Variants in SDC2 observed in about 807,000 individuals in gnomAD.
The protein encoded by SDC2 is syndecan-2.
Under a neutral mutation model 22.2 loss-of-function variants are expected in SDC2, and 13 were observed. The observed-to-expected ratio is 0.59, with a 90% confidence interval of 0.38 to 0.93. The LOEUF is 0.93. Ranked by LOEUF, SDC2 falls within the 40% of genes least tolerant of loss-of-function variation. The pLI is 0.00. For synonymous variants in SDC2, 94 were observed against 92.8 expected, an observed-to-expected ratio of 1.01 and a Z score of -0.07; for missense variants, 235 against 246.8, an observed-to-expected ratio of 0.95 and a Z score of 0.32.
chr8:96,550,168 T>C (rs1000009555), intron 1 of SDC2, among the ~76,000 whole-genome samples: 1 of 152,032 alleles, frequency 6.6e-6, no homozygotes, highest in Non-Finnish European at 1.5e-5. Context: ...AACAGGGTGG[T>C]TTTCCTAGCC....
At chr8:96,574,790 T>C (rs1228543029) in intron 1 of SDC2, among the ~76,000 whole-genome samples, 1 of 152,248 alleles carries the variant, frequency 6.6e-6, no homozygotes, top group African/African-American at 2.4e-5. Context: ...GGAAGAACTA[T>C]GGAAAATGTA....
chr8:96,608,812 T>C (rs1015962410), intron 4 of SDC2, among the ~76,000 whole-genome samples: 6 of 152,126 alleles, frequency 3.9e-5, no homozygotes, highest in African/African-American at 1.2e-4. Context: ...CATTTCAAAA[T>C]AAAGAGAACG....
At chr8:96,551,226 C>T (rs1814019933) in intron 1 of SDC2, among the ~76,000 whole-genome samples, 1 of 152,160 alleles carries the variant, frequency 6.6e-6, no homozygotes, top group South Asian at 2.1e-4. Context: ...GCATCACATT[C>T]CTCCTAAAAG....
At chr8:96,508,079 G>A (rs1265712552) in intron 1 of SDC2, among the ~76,000 whole-genome samples, 2 of 152,108 alleles carry the variant, frequency 1.3e-5, no homozygotes, top group South Asian at 2.1e-4. Flanking sequence ...GGTGGATCAC[G>A]AGGCCAGGAG....
chr8:96,609,069 T>TTAGAATATGAAATG, intron 4 of SDC2, among the ~76,000 whole-genome samples: 1 of 152,258 alleles, frequency 6.6e-6, no homozygotes, highest in African/African-American at 2.4e-5. Context: ...AGTTAGAAAA[T>TTAGAATATGAAATG]TAGAATATGA....
In SDC2 at chr8:96,494,228, C is replaced by T. The variant is rs1238513234; in HGVS notation, c.-44C>T. On this transcript the variant is annotated 5_prime_UTR_variant, in exon 1 of 5. Transcript: ENST00000302190. ...CGCTGGGCAGGAGGCTTCGTTTTGC[C>T]CTGGTTGCAAGCAGCGGCTGGGAGC... is the stretch of plus-strand genomic sequence containing the variant. 7 of 1,535,890 alleles carry T rather than the reference C, an allele frequency of 4.6e-6. No homozygotes were observed.
intron 1 of SDC2, among the ~76,000 whole-genome samples, chr8:96,563,103 C>T (rs1814238451): frequency 6.6e-6 from 1 of 152,286 alleles, no homozygotes; most frequent in African/African-American, 2.4e-5. Context: ...GTATCTCAGA[C>T]ACCTCAGCGA....
chr8:96,524,492 AG>A (rs1202478925), intron 1 of SDC2, among the ~76,000 whole-genome samples: 1 of 152,168 alleles, frequency 6.6e-6, no homozygotes, highest in Non-Finnish European at 1.5e-5. Context: ...AACTAATTTC[AG>A]TTATATATTC....
chr8:96,518,445 C>T (rs1480487763), intron 1 of SDC2, among the ~76,000 whole-genome samples: 1 of 151,332 alleles, frequency 6.6e-6, no homozygotes, highest in Non-Finnish European at 1.5e-5. Context: ...ACTGCAAGCT[C>T]CGCCTCCCAG....
intron 1 of SDC2, among the ~76,000 whole-genome samples, chr8:96,508,822 A>T (rs187053155): frequency 7.0e-6 from 1 of 142,142 alleles, no homozygotes; most frequent in Admixed American, 7.0e-5. Context: ...GAGAGCAGTG[A>T]AAGTGTCTAA....
At chr8:96,576,370 T>TTTTG (rs1202258067) in intron 1 of SDC2, among the ~76,000 whole-genome samples, 2 of 33,094 alleles carry the variant, frequency 6.0e-5, no homozygotes, top group Non-Finnish European at 2.2e-4. Flanking sequence ...GGTAGTTTGT[T>TTTTG]TTTGTTTTGT....
At chr8:96,530,980 T>G (rs880076) in intron 1 of SDC2, among the ~76,000 whole-genome samples, 35,805 of 152,084 alleles carry the variant, frequency 0.24, 5,074 homozygotes, top group African/African-American at 0.4. Context: ...CCTGGGGAAA[T>G]AAATGACTGC....
intron 2 of SDC2, among the ~76,000 whole-genome samples, chr8:96,599,520 C>T (rs1400125707): frequency 7.2e-6 from 1 of 138,588 alleles, no homozygotes; most frequent in Non-Finnish European, 1.6e-5. Flanking sequence ...TATTTCTGGA[C>T]CCATCATTAT....
At chr8:96,526,036 C>T (rs1201798074) in intron 1 of SDC2, among the ~76,000 whole-genome samples, 1 of 152,118 alleles carries the variant, frequency 6.6e-6, no homozygotes, top group East Asian at 1.9e-4. Flanking sequence ...AAGCATACGG[C>T]TTCAAGTTTA....
In SDC2 at chr8:96,497,098, G is replaced by A. The variant is rs1563637366; in HGVS notation, c.60+2767G>A. ...AGAAAAGGAAGTGTTTTGAACTAGA[G>A]GAATTTTATAAACATTCTTAGATGT... On this transcript the variant is annotated intron_variant, in intron 1 of 4. Transcript: ENST00000302190. Among the ~76,000 whole-genome samples, 4 of 151,580 alleles carry A rather than the reference G, an allele frequency of 2.6e-5. No individual in the cohort carries two copies. The Admixed American group carries it at 2.6e-4, about 10-fold the overall frequency.
intron 1 of SDC2, among the ~76,000 whole-genome samples, chr8:96,525,491 G>A (rs944159231): frequency 5.3e-5 from 8 of 152,258 alleles, no homozygotes; most frequent in Middle Eastern, 3.4e-3. Context: ...TACTTTGTGC[G>A]TTGCTTGGGG....
chr8:96,551,628 A>G lies in SDC2; in HGVS notation c.61-41852A>G, dbSNP rs367885252. ...TCACCTGTCATGCCTCTCATCACCAAATGCAAGCTAGTTTCAGGGTGGTTA... is the reference window on the plus strand; with the variant it reads ...TCACCTGTCATGCCTCTCATCACCAGATGCAAGCTAGTTTCAGGGTGGTTA... On this transcript the variant is annotated intron_variant, in intron 1 of 4. Transcript: ENST00000302190. 3.9e-5 allele frequency among the ~76,000 whole-genome samples: 6 copies of G among 152,246 alleles called. No homozygotes were observed. The South Asian group carries it at 8.3e-4, about 21-fold the overall frequency.
intron 1 of SDC2, among the ~76,000 whole-genome samples, chr8:96,516,736 C>T (rs534057467): frequency 1.3e-5 from 2 of 152,144 alleles, no homozygotes; most frequent in African/African-American, 4.8e-5. Context: ...AAGGTTCATT[C>T]ATGTTGTAGC....
intron 1 of SDC2, among the ~76,000 whole-genome samples, chr8:96,514,459 C>G (rs115462791): frequency 6.6e-6 from 1 of 152,252 alleles, no homozygotes; most frequent in African/African-American, 2.4e-5. Flanking sequence ...AACCCTTCTT[C>G]GGCTGGACAG....
Sources: gnomAD v4.1 joint callset for allele counts (sites outside exome capture counted in the v4.1 genomes callset) on GRCh38, gnomAD v4.1.1 for gene constraint, MANE v1.5 for transcripts, NCBI Gene and HGNC (gene_info 2026-07-23, HGNC 2026-07-21) for gene names.